Variants in TCN1 observed in about 807,000 individuals in gnomAD.
TCN1 encodes the protein transcobalamin-1.
TCN1 carries 47 observed loss-of-function variants against 46.3 expected under a neutral mutation model. The observed-to-expected ratio is 1.01, with a 90% confidence interval of 0.80 to 1.29. The LOEUF (loss-of-function observed/expected upper bound fraction) is 1.29. TCN1 is among the 50% of genes most tolerant of loss of function. The pLI, the probability that TCN1 is intolerant of heterozygous loss-of-function variation, is 0.00. For missense variants in TCN1, 532 were observed against 511.0 expected (o/e 1.04, Z -0.40); for synonymous variants, 183 against 192.5 (o/e 0.95, Z 0.41).
At chr11:59,864,154 A>G (rs1392045914) in intron 1 of TCN1, 68 bp from the exon 2 acceptor site, 1 of 1,540,738 alleles carries the variant, frequency 6.5e-7, no homozygotes. Context: ...AGCAGGGGTT[A>G]TATAAAAATA....
intron 5 of TCN1, 150 bp downstream of exon 5, chr11:59,858,927 C>G (rs546310614): frequency 1.2e-6 from 1 of 856,046 alleles, no homozygotes. Context: ...CGCTTGAACT[C>G]GGGAGGCGGA....
chr11:59,856,087 G>A, intron 5 of TCN1, 29 bp from the exon 6 acceptor site: 1 of 1,439,560 alleles, frequency 6.9e-7, no homozygotes, highest in South Asian at 1.1e-5. Flanking sequence ...GTGGGGGGGT[G>A]ATGAGAGATA....
At chr11:59,853,428 T>C (rs1866689424) in intron 7 of TCN1, 107 bp from the exon 8 acceptor site, 5 of 1,048,346 alleles carry the variant, frequency 4.8e-6, no homozygotes, top group Middle Eastern at 4.0e-4. Flanking sequence ...GATGACATTA[T>C]AAAAATGCAG....
chr11:59,859,455 C>T (rs1852994520), intron 4 of TCN1, among the ~76,000 whole-genome samples, 188 bp from the exon 5 acceptor site: 1 of 152,170 alleles, frequency 6.6e-6, no homozygotes, highest in South Asian at 2.1e-4. Flanking sequence ...CAGCACTAAC[C>T]ACTCAAATAT....
rs897312211 is a variant in TCN1 at position 59,856,723 on chromosome 11, G to C, written c.748-665C>G. ...CATTGGAGGCAACTGTGGAAAAACA[G>C]GCTGGAGAAGGAAGTTGGGCTAGAC... On this transcript the variant is annotated intron_variant, in intron 5 of 8. Transcript: ENST00000257264. 3.9e-5 allele frequency among the ~76,000 whole-genome samples: 6 copies of C among 152,292 alleles called. No homozygotes were observed. The East Asian group carries it at 7.7e-4, about 20-fold the overall frequency.
intron 6 of TCN1, among the ~76,000 whole-genome samples, chr11:59,855,536 G>T (rs1035884257): frequency 1.3e-5 from 2 of 152,118 alleles, no homozygotes; most frequent in Non-Finnish European, 2.9e-5. Context: ...TCAGAGTCAC[G>T]GTACCAATAC....
At chr11:59,854,930 G>T in intron 6 of TCN1, 95 bp from the exon 7 acceptor site, 1 of 1,340,072 alleles carries the variant, frequency 7.5e-7, no homozygotes, top group Non-Finnish European at 1.1e-6. Context: ...AGGACTCCTT[G>T]CCTTTATGCA....
chr11:59,864,475 G>A (rs987021500), intron 1 of TCN1, among the ~76,000 whole-genome samples: 3 of 152,114 alleles, frequency 2.0e-5, no homozygotes, highest in African/African-American at 7.2e-5. Flanking sequence ...CTCTCAGTAA[G>A]CAGGACTTTC....
intron 6 of TCN1, 96 bp downstream of exon 6, chr11:59,855,773 A>T: frequency 7.3e-7 from 1 of 1,367,850 alleles, no homozygotes; most frequent in Non-Finnish European, 1.0e-6. Flanking sequence ...TTGGAGGTTT[A>T]TCTGGTCACT....
intron 2 of TCN1, among the ~76,000 whole-genome samples, chr11:59,863,146 T>A (rs998286845): frequency 6.6e-6 from 1 of 152,212 alleles, no homozygotes; most frequent in Non-Finnish European, 1.5e-5. Flanking sequence ...TTCATCATTA[T>A]GTGATGCATT....
Position 59,853,286 on chromosome 11 carries a change from A to G in TCN1, c.1157T>C (p.Ile386Thr). Reference protein sequence around the residue: ...TMEERSWGPYITCIQGLCANN... With the variant: ...TMEERSWGPYTTCIQGLCANN... ...GGCACATAGGCCCTGAATACAGGTG[A>G]TATAGGGCCCCCATGAGCGCTCCTC... is the stretch of plus-strand genomic sequence containing the variant. The change falls in exon 8 of 9, where the codon ATC becomes ACC. Residue 386 changes from isoleucine to threonine, a missense_variant. Coordinates refer to ENST00000257264, the MANE Select transcript of TCN1 (RefSeq NM_001062.4). The G allele has an allele frequency of 6.2e-7, 1 of 1,614,094 alleles. No homozygotes were observed. The highest frequency in any genetic ancestry group is 8.5e-7 in the Non-Finnish European group (1 of 1,180,010).
intron 2 of TCN1, among the ~76,000 whole-genome samples, chr11:59,863,036 T>G (rs747402236): frequency 6.6e-6 from 1 of 152,178 alleles, no homozygotes; most frequent in Non-Finnish European, 1.5e-5. Flanking sequence ...CTATAGGCAA[T>G]TGTAGCCCAA....
In TCN1 at chr11:59,853,249, G is replaced by C; in HGVS notation, c.1194C>G (p.Asp398Glu). The change falls in exon 8 of 9, where the codon GAC (aspartate) becomes GAG (glutamate). Residue 398 changes from aspartate to glutamate, a missense_variant. By Grantham distance (45) the Asp-to-Glu change is conservative. Coordinates refer to ENST00000257264, the MANE Select transcript of TCN1 (RefSeq NM_001062.4). ...CACTCAGAAGTTCCCAGTAGGTTCTGTCATTATTGTTGGCACATAGGCCCT... is the reference window on the plus strand; with the variant it reads ...CACTCAGAAGTTCCCAGTAGGTTCTCTCATTATTGTTGGCACATAGGCCCT... Reference protein sequence around the residue: ...CIQGLCANNNDRTYWELLSGG... With the variant: ...CIQGLCANNNERTYWELLSGG... The C allele has an allele frequency of 6.2e-7, 1 of 1,614,110 alleles. No individual in the cohort carries two copies. The highest frequency in any genetic ancestry group is 8.5e-7 in the Non-Finnish European group (1 of 1,180,020).
chr11:59,858,277 C>T (rs1028961595), intron 5 of TCN1, among the ~76,000 whole-genome samples: 40 of 152,046 alleles, frequency 2.6e-4, no homozygotes, highest in African/African-American at 9.2e-4. Flanking sequence ...TGGAACAGAG[C>T]GGGAAGGTGC....
intron 4 of TCN1, among the ~76,000 whole-genome samples, chr11:59,859,850 G>T (rs1852998083): frequency 6.6e-6 from 1 of 152,150 alleles, no homozygotes; most frequent in African/African-American, 2.4e-5. Flanking sequence ...GAAAATTCAA[G>T]ATGCATGCTG....
At chr11:59,862,794 A>G (rs1336916441) in intron 2 of TCN1, 72 bp from the exon 3 acceptor site, 9 of 1,555,246 alleles carry the variant, frequency 5.8e-6, no homozygotes, top group South Asian at 4.5e-5. Flanking sequence ...TTTCCTTGAG[A>G]CTTATATTGC....
intron 5 of TCN1, 75 bp from the exon 6 acceptor site, chr11:59,856,133 T>G: frequency 8.1e-7 from 1 of 1,235,036 alleles, no homozygotes; most frequent in Non-Finnish European, 1.2e-6. Context: ...ACACTTCAAA[T>G]AAGGGGGAAG....
intron 1 of TCN1, among the ~76,000 whole-genome samples, chr11:59,864,716 CATTA>C (rs1853054073): frequency 6.6e-6 from 1 of 152,152 alleles, no homozygotes; most frequent in African/African-American, 2.4e-5. Context: ...AGGGAAGTCA[CATTA>C]TACTGTGGAA....
At chr11:59,856,558 A>C (rs1430965037) in intron 5 of TCN1, among the ~76,000 whole-genome samples, 1 of 151,918 alleles carries the variant, frequency 6.6e-6, no homozygotes, top group Non-Finnish European at 1.5e-5. Context: ...AGTAGGATAG[A>C]GCACTCAAGA....
Sources: gnomAD v4.1 joint callset for allele counts (sites outside exome capture counted in the v4.1 genomes callset) on GRCh38, gnomAD v4.1.1 for gene constraint, MANE v1.5 for transcripts, NCBI Gene and HGNC (gene_info 2026-07-23, HGNC 2026-07-21) for gene names.